Variants in TMCO5A observed in about 807,000 individuals in gnomAD.
TMCO5A encodes transmembrane and coiled-coil domains 5A, also known as transmembrane and coiled-coil domain-containing protein 5A.
Under a neutral mutation model 42.3 loss-of-function variants are expected in TMCO5A, and 34 were observed. That is an observed-to-expected ratio of 0.80 (90% confidence interval 0.61 to 1.07). The LOEUF is 1.07. Among genes scored for constraint, TMCO5A ranks in the 50% least tolerant of loss-of-function variants. The pLI is 0.00. For missense variants in TMCO5A, 357 were observed against 327.9 expected (o/e 1.09, Z -0.69); for synonymous variants, 131 against 115.6 (o/e 1.13, Z -0.86).
At chr15:38,029,539 C>A in the TMCO5A span, among the ~76,000 whole-genome samples, 3 of 150,686 alleles carry the variant, frequency 2.0e-5, no homozygotes, top group Non-Finnish European at 2.9e-5. Context: ...TGGCTCACTG[C>A]AACCTCAACC....
the TMCO5A span, among the ~76,000 whole-genome samples, chr15:38,036,645 C>T: frequency 7.3e-3 from 1,108 of 152,266 alleles, 14 homozygotes; most frequent in African/African-American, 0.025. Context: ...ATTTCTGCCG[C>T]CACCACTCCC....
the TMCO5A span, among the ~76,000 whole-genome samples, chr15:37,980,637 C>CAAAAA: frequency 6.0e-5 from 5 of 83,146 alleles, no homozygotes; most frequent in African/African-American, 8.9e-5. Context: ...GCCATCTTGG[C>CAAAAA]AAAAAAAAAA....
the TMCO5A span, among the ~76,000 whole-genome samples, chr15:38,012,096 C>T: frequency 1.3e-5 from 2 of 150,612 alleles, no homozygotes; most frequent in Admixed American, 6.6e-5. Flanking sequence ...TGCACTCCAC[C>T]CTAGGTGACA....
At chr15:38,014,708 C>A in the TMCO5A span, among the ~76,000 whole-genome samples, 1 of 151,654 alleles carries the variant, frequency 6.6e-6, no homozygotes. Flanking sequence ...TTTCTATGTT[C>A]CCTGTACTCT....
the TMCO5A span, among the ~76,000 whole-genome samples, chr15:37,976,793 CTTTTTTTTT>C: frequency 1.7e-5 from 2 of 116,850 alleles, no homozygotes; most frequent in African/African-American, 7.0e-5. Context: ...TTTCTTCTTT[CTTTTTTTTT>C]TTTTTTTTTT....
chr15:37,975,912 G>C, the TMCO5A span, among the ~76,000 whole-genome samples: 1 of 151,076 alleles, frequency 6.6e-6, no homozygotes, highest in Non-Finnish European at 1.5e-5. Flanking sequence ...TTGTAAGACA[G>C]TCTACGGGTA....
chr15:37,941,849 G>A, intron 8 of TMCO5A, 119 bp downstream of exon 8: 1 of 852,022 alleles, frequency 1.2e-6, no homozygotes, highest in Non-Finnish European at 1.9e-6. Context: ...GGCACTACTA[G>A]GATACTTTAA....
downstream of TMCO5A, among the ~76,000 whole-genome samples, chr15:37,970,906 C>G (rs1890662261): frequency 6.6e-6 from 1 of 152,200 alleles, no homozygotes; most frequent in South Asian, 2.1e-4. Context: ...CAGGATATAG[C>G]CCCCCTCCTG....
the TMCO5A span, among the ~76,000 whole-genome samples, chr15:38,034,894 T>G: frequency 1.3e-5 from 2 of 152,106 alleles, no homozygotes; most frequent in South Asian, 4.2e-4. Flanking sequence ...CAAAAGAACC[T>G]GCCCACCCAG....
chr15:38,030,359 C>T, the TMCO5A span, among the ~76,000 whole-genome samples: 16 of 152,312 alleles, frequency 1.1e-4, no homozygotes, highest in African/African-American at 3.8e-4. Context: ...CATCGCCCAA[C>T]AGAATCATCA....
At chr15:38,039,316 G>A in the TMCO5A span, among the ~76,000 whole-genome samples, 1 of 152,136 alleles carries the variant, frequency 6.6e-6, no homozygotes, top group Non-Finnish European at 1.5e-5. Flanking sequence ...GAAAACGAAT[G>A]TTAAGTTCAA....
chr15:38,038,506 T>C, the TMCO5A span, among the ~76,000 whole-genome samples: 1 of 151,482 alleles, frequency 6.6e-6, no homozygotes, highest in South Asian at 2.1e-4. Context: ...CCCGGGTTCA[T>C]ACCATTCTCC....
chr15:37,966,890 C>A (rs1400917829), exon 12 of TMCO5A: 12 of 567,742 alleles, frequency 2.1e-5, no homozygotes, highest in Non-Finnish European at 6.3e-6. Flanking sequence ...AGAAGAAGAA[C>A]AAAGTAAGGG....
chr15:37,956,499 G>A (rs929957676), intron 11 of TMCO5A, among the ~76,000 whole-genome samples: 2 of 152,124 alleles, frequency 1.3e-5, no homozygotes, highest in Admixed American at 1.3e-4. Context: ...AGAAGAAATG[G>A]ATAAGTTCCT....
At chr15:38,007,609 G>C in the TMCO5A span, among the ~76,000 whole-genome samples, 1 of 152,146 alleles carries the variant, frequency 6.6e-6, no homozygotes, top group Non-Finnish European at 1.5e-5. Context: ...CTTGAGTGCA[G>C]GTAGTTAATG....
the TMCO5A span, among the ~76,000 whole-genome samples, chr15:37,998,887 T>C: frequency 1.3e-5 from 2 of 152,034 alleles, no homozygotes; most frequent in Non-Finnish European, 1.5e-5. Context: ...CAGTGTTTTA[T>C]AGTTTTCTTT....
chr15:37,988,262 T>C, the TMCO5A span, among the ~76,000 whole-genome samples: 68 of 152,154 alleles, frequency 4.5e-4, 1 homozygote, highest in African/African-American at 1.6e-3. Context: ...CTTTAGAGTT[T>C]TCCATGTATA....
At chr15:37,971,043 G>A (rs1595615052), downstream of TMCO5A, among the ~76,000 whole-genome samples, 2 of 152,218 alleles carry the variant, frequency 1.3e-5, no homozygotes, top group South Asian at 2.1e-4. Context: ...ACTAGGCAGT[G>A]CCCCAGTAGG....
intron 11 of TMCO5A, among the ~76,000 whole-genome samples, chr15:37,961,078 C>T (rs1330337576): frequency 1.3e-5 from 2 of 152,106 alleles, no homozygotes; most frequent in African/African-American, 4.8e-5. Flanking sequence ...GTTTTTATTG[C>T]ATTTGCTTTT....
Sources: allele counts gnomAD v4.1 joint callset (sites outside exome capture counted in the v4.1 genomes callset), GRCh38; gene constraint gnomAD v4.1.1; transcripts MANE v1.5; gene names NCBI Gene and HGNC (gene_info 2026-07-23, HGNC 2026-07-21).